Variants in WWOX observed in about 807,000 individuals in gnomAD.
The protein encoded by WWOX is WW domain containing oxidoreductase.
WWOX carries 69 observed loss-of-function variants against 46.2 expected under a neutral mutation model. The observed-to-expected ratio is 1.49, with a 90% CI of 1.23 to 1.82. The LOEUF (loss-of-function observed/expected upper bound fraction) is 1.82, where lower values mean the gene tolerates loss of function less well. WWOX is among the 40% of genes most tolerant of loss of function. The pLI is 0.00. For missense variants in WWOX, 919 were observed against 542.6 expected (o/e 1.69, Z -6.89); for synonymous variants, 359 against 202.6 (o/e 1.77, Z -6.56).
intron 8 of WWOX, among the ~76,000 whole-genome samples, chr16:78,797,005 T>C (rs958092462): frequency 3.3e-4 from 50 of 152,020 alleles, no homozygotes; most frequent in Admixed American, 9.8e-4. Context: ...TTTGTATTTT[T>C]AGTAGTGCCG....
intron 5 of WWOX, among the ~76,000 whole-genome samples, chr16:78,201,828 T>C (rs977809988): frequency 3.3e-5 from 5 of 151,960 alleles, no homozygotes; most frequent in Admixed American, 3.3e-4. Context: ...GCCCCCTGAG[T>C]AGCTGGGACT....
At chr16:78,250,174 G>A (rs1241472690) in intron 5 of WWOX, among the ~76,000 whole-genome samples, 1 of 152,184 alleles carries the variant, frequency 6.6e-6, no homozygotes, top group East Asian at 1.9e-4. Context: ...TTAGGGGGCT[G>A]TATGGATATT....
intron 8 of WWOX, among the ~76,000 whole-genome samples, chr16:79,061,326 G>T (rs2048354075): frequency 6.6e-6 from 1 of 152,156 alleles, no homozygotes; most frequent in Admixed American, 6.5e-5. Flanking sequence ...GGCACTGACT[G>T]GTGATGAATT....
At chr16:78,140,900 A>G (rs531877980) in intron 4 of WWOX, among the ~76,000 whole-genome samples, 2 of 152,338 alleles carry the variant, frequency 1.3e-5, no homozygotes, top group Admixed American at 6.5e-5. Flanking sequence ...ATGCATAGCA[A>G]TCATTCAACA....
At chr16:78,451,069 G>A (rs2083679457) in intron 8 of WWOX, among the ~76,000 whole-genome samples, 1 of 152,152 alleles carries the variant, frequency 6.6e-6, no homozygotes, top group Non-Finnish European at 1.5e-5. Flanking sequence ...ACTTAAGCTT[G>A]TTTATTGCAT....
At chr16:78,327,435 G>A (rs538000513) in intron 5 of WWOX, among the ~76,000 whole-genome samples, 13 of 152,226 alleles carry the variant, frequency 8.5e-5, no homozygotes, top group African/African-American at 3.1e-4. Context: ...TACCCTCAGT[G>A]TGGAAGGAGA....
At chr16:78,241,705 G>T (rs1317726765) in intron 5 of WWOX, among the ~76,000 whole-genome samples, 1 of 152,172 alleles carries the variant, frequency 6.6e-6, no homozygotes, top group Non-Finnish European at 1.5e-5. Context: ...TTCCCAAAGT[G>T]TTGGGATTAC....
chr16:78,719,401 A>G (rs940785742), intron 8 of WWOX, among the ~76,000 whole-genome samples: 4 of 152,362 alleles, frequency 2.6e-5, no homozygotes, highest in East Asian at 1.9e-4. Flanking sequence ...AGAAACAATA[A>G]TCAGAAGCTT....
intron 8 of WWOX, among the ~76,000 whole-genome samples, chr16:78,707,181 T>C (rs2048344291): frequency 6.6e-6 from 1 of 152,232 alleles, no homozygotes; most frequent in Non-Finnish European, 1.5e-5. Context: ...TTTATTTTTC[T>C]ACCTTCTTTT....
In WWOX at chr16:78,825,644, G is replaced by A. The variant is rs1479842359; in HGVS notation, c.1057-385964G>A. The A allele has an allele frequency of 1.5e-5, 8 of 520,648 alleles. No homozygotes were observed. In the East Asian group the frequency reaches 1.9e-4, roughly 12 times the overall value. The allele number at this position is 520,648 out of a possible 1,614,324, so 32.3% of individuals were successfully genotyped here. ...TGCGGAGGGCCTGCGATGGTGGGCTGTGGTTCATCATGAATAGGGGGGCCA... is the reference window on the plus strand; with the variant it reads ...TGCGGAGGGCCTGCGATGGTGGGCTATGGTTCATCATGAATAGGGGGGCCA... On this transcript the variant is annotated intron_variant, in intron 8 of 8. Transcript: ENST00000566780.
At chr16:78,874,684 CTTTTT>C (rs552696627) in intron 8 of WWOX, among the ~76,000 whole-genome samples, 245 of 83,522 alleles carry the variant, frequency 2.9e-3, no homozygotes, top group Middle Eastern at 0.014. Flanking sequence ...AGATTTTTTT[CTTTTT>C]TTTTTTTTTT....
At chr16:78,800,971 A>G (rs1035111861) in intron 8 of WWOX, among the ~76,000 whole-genome samples, 4 of 152,050 alleles carry the variant, frequency 2.6e-5, no homozygotes, top group African/African-American at 9.7e-5. Context: ...AAGTGAGCAT[A>G]AATGCAAACT....
At chr16:78,293,233 A>C (rs943750293) in intron 5 of WWOX, among the ~76,000 whole-genome samples, 2 of 152,116 alleles carry the variant, frequency 1.3e-5, no homozygotes, top group Admixed American at 6.5e-5. Context: ...GGGATTATAC[A>C]TTTACCTCTT....
In WWOX at chr16:78,946,810, G is replaced by A. The variant is rs144869090; in HGVS notation, c.1057-264798G>A. On this transcript the variant is annotated intron_variant, in intron 8 of 8. Transcript: ENST00000566780. Reference sequence around the variant, plus strand: ...GCTCAGTGCAAGACAAGATTCTGGCGTAAGAACTGCGGTAGCAAGGACAAG... The same window carrying A: ...GCTCAGTGCAAGACAAGATTCTGGCATAAGAACTGCGGTAGCAAGGACAAG... Among the ~76,000 whole-genome samples the A allele has an allele frequency of 3.2e-3, 491 of 152,212 alleles. 1 individual carries two copies. Among genetic ancestry groups the A allele is most frequent in the South Asian group, 8.1e-3 (39 of 4,816 alleles).
At chr16:78,934,676 C>T (rs1346185831) in intron 8 of WWOX, among the ~76,000 whole-genome samples, 4 of 152,140 alleles carry the variant, frequency 2.6e-5, no homozygotes, top group Non-Finnish European at 5.9e-5. Context: ...TCAGGATCTT[C>T]AGTGCCAGAA....
intron 8 of WWOX, among the ~76,000 whole-genome samples, chr16:78,523,160 A>T (rs536784039): frequency 6.6e-6 from 1 of 152,362 alleles, no homozygotes; most frequent in East Asian, 1.9e-4. Context: ...AGTGGCTTAC[A>T]GACCTAAATT....
chr16:78,134,328 G>A (rs1351998852), intron 4 of WWOX, among the ~76,000 whole-genome samples: 1 of 143,450 alleles, frequency 7.0e-6, no homozygotes. Context: ...CAATAGTACA[G>A]ACTTTGCAAA....
At chr16:79,061,363 G>C (rs1051375320) in intron 8 of WWOX, among the ~76,000 whole-genome samples, 1 of 152,172 alleles carries the variant, frequency 6.6e-6, no homozygotes, top group Non-Finnish European at 1.5e-5. Flanking sequence ...CTAAGGGCTT[G>C]GCAAACCAAG....
chr16:78,423,827 CAGAG>C (rs1342992414), intron 6 of WWOX, among the ~76,000 whole-genome samples: 1 of 132,166 alleles, frequency 7.6e-6, no homozygotes, highest in East Asian at 2.2e-4. Flanking sequence ...GCCTGGATGA[CAGAG>C]AAAGATCTTG....
Sources: gnomAD v4.1 joint callset for allele counts (sites outside exome capture counted in the v4.1 genomes callset) on GRCh38, gnomAD v4.1.1 for gene constraint, MANE v1.5 for transcripts, NCBI Gene and HGNC (gene_info 2026-07-23, HGNC 2026-07-21) for gene names.